Variants in ADGRE3 observed in about 807,000 individuals in gnomAD.
ADGRE3 encodes the protein EGF-like module receptor 3.
In ADGRE3, 88 loss-of-function variants were observed where a neutral mutation model predicts 80.1. The ratio of observed to expected loss-of-function variants is 1.10; its 90% CI spans 0.93 to 1.31. The LOEUF (loss-of-function observed/expected upper bound fraction) is 1.31. ADGRE3 is among the 40% of genes most tolerant of loss of function. The probability of loss-of-function intolerance (pLI) is 0.00; values close to 1 mark genes in which losing one functional copy is unlikely to be tolerated. For missense variants in ADGRE3, 715 were observed against 776.5 expected (o/e 0.92, Z 0.94); for synonymous variants, 281 against 294.8 (o/e 0.95, Z 0.48).
chr19:14,661,912 C>G, intron 4 of ADGRE3, 51 bp downstream of exon 4: 1 of 1,589,790 alleles, frequency 6.3e-7, no homozygotes, highest in African/African-American at 1.3e-5. Flanking sequence ...AACAAACAAA[C>G]AAAAAAACAA....
chr19:14,617,542 C>A (rs1160279389), downstream of ADGRE3, among the ~76,000 whole-genome samples: 1 of 151,520 alleles, frequency 6.6e-6, no homozygotes, highest in Non-Finnish European at 1.5e-5. Flanking sequence ...GGATTACAGG[C>A]CCCTGCCACC....
chr19:14,642,748 A>G (rs1469966190), intron 9 of ADGRE3, among the ~76,000 whole-genome samples: 1 of 152,168 alleles, frequency 6.6e-6, no homozygotes, highest in African/African-American at 2.4e-5. Context: ...AAAGGACATG[A>G]TCTCATTCTT....
At chr19:14,640,928 G>T (rs1971230080) in intron 10 of ADGRE3, among the ~76,000 whole-genome samples, 1 of 152,120 alleles carries the variant, frequency 6.6e-6, no homozygotes, top group African/African-American at 2.4e-5. Context: ...CCTGCCATGT[G>T]GAACTGCAAG....
the ADGRE3 span, among the ~76,000 whole-genome samples, chr19:14,607,376 T>A: frequency 3.3e-5 from 5 of 151,222 alleles, no homozygotes; most frequent in South Asian, 2.1e-4. Context: ...GCTAATTTTT[T>A]GTATTTTTAG....
chr19:14,653,045 T>A (rs1362222931), intron 6 of ADGRE3, among the ~76,000 whole-genome samples: 2 of 151,572 alleles, frequency 1.3e-5, no homozygotes, highest in Admixed American at 6.6e-5. Flanking sequence ...TGCAGTGGCT[T>A]GCTCTCAGCT....
chr19:14,648,805 A>G (rs964664337), intron 7 of ADGRE3, among the ~76,000 whole-genome samples: 1 of 152,098 alleles, frequency 6.6e-6, no homozygotes, highest in African/African-American at 2.4e-5. Context: ...AAGCTGCACT[A>G]TCAGTTCTAC....
At chr19:14,643,151 T>TC (rs1402920327) in intron 9 of ADGRE3, among the ~76,000 whole-genome samples, 1 of 94,432 alleles carries the variant, frequency 1.1e-5, no homozygotes, top group Admixed American at 1.1e-4. Flanking sequence ...ATGGTTTTTT[T>TC]TTTTTTTTTT....
the ADGRE3 span, among the ~76,000 whole-genome samples, chr19:14,603,976 C>T: frequency 3.9e-4 from 59 of 152,290 alleles, no homozygotes; most frequent in East Asian, 3.7e-3. Flanking sequence ...GACTTTGGGC[C>T]ATCTAGGCTG....
At chr19:14,615,983 A>T (rs1306904105), downstream of ADGRE3, among the ~76,000 whole-genome samples, 2 of 107,766 alleles carry the variant, frequency 1.9e-5, no homozygotes, top group African/African-American at 6.2e-5. Context: ...TTTTTTTTTT[A>T]ACAGAGTCTT....
intron 8 of ADGRE3, among the ~76,000 whole-genome samples, chr19:14,646,029 A>G (rs550322501): frequency 1.3e-5 from 2 of 152,336 alleles, no homozygotes; most frequent in South Asian, 4.1e-4. Flanking sequence ...TTAACCCACT[A>G]TATCCAACAT....
chr19:14,614,965 G>A (rs1221391679), downstream of ADGRE3, among the ~76,000 whole-genome samples: 2 of 150,086 alleles, frequency 1.3e-5, no homozygotes, highest in East Asian at 3.9e-4. Flanking sequence ...AGCTCATTGT[G>A]GCCTCAACCT....
At chr19:14,664,475 G>A (rs1360426779) in intron 2 of ADGRE3, among the ~76,000 whole-genome samples, 1 of 152,124 alleles carries the variant, frequency 6.6e-6, no homozygotes, top group East Asian at 1.9e-4. Context: ...GGAGGCCCAG[G>A]TAGGAGGATT....
In ADGRE3 at chr19:14,630,914, G is replaced by A. The variant is rs143244100; in HGVS notation, c.1644-707C>T. Among the ~76,000 whole-genome samples the A allele has an allele frequency of 2.9e-3, 443 of 151,874 alleles. 2 individuals are homozygous for A. Among genetic ancestry groups the A allele is most frequent in the African/African-American group, 0.01 (426 of 41,416 alleles). On this transcript the variant is annotated intron_variant, in intron 13 of 15. Transcript: ENST00000253673. ...GTCATATAATTTTTTTTGTTGAGAC[G>A]GAGTCTCGCTCTGTGGCCCAGGCTG...
chr19:14,650,050 A>G (rs1030965419), intron 7 of ADGRE3, among the ~76,000 whole-genome samples: 1 of 87,950 alleles, frequency 1.1e-5, no homozygotes, highest in Non-Finnish European at 2.3e-5. Flanking sequence ...CTCTCTTCCC[A>G]TCTCTCTCCC....
chr19:14,605,879 T>C, the ADGRE3 span, among the ~76,000 whole-genome samples: 1 of 152,050 alleles, frequency 6.6e-6, no homozygotes, highest in Non-Finnish European at 1.5e-5. Context: ...GCTGGGACTA[T>C]AGACACGCAC....
chr19:14,663,080 G>T (rs1354031885), intron 3 of ADGRE3, among the ~76,000 whole-genome samples: 1 of 151,958 alleles, frequency 6.6e-6, no homozygotes, highest in Non-Finnish European at 1.5e-5. Context: ...TCGGCTCACT[G>T]CAACCTCTGC....
chr19:14,623,563 A>T (rs1336642689), intron 15 of ADGRE3, among the ~76,000 whole-genome samples: 1 of 152,180 alleles, frequency 6.6e-6, no homozygotes, highest in African/African-American at 2.4e-5. Context: ...TAACAGGGCT[A>T]TGTCCTCCCC....
intron 11 of ADGRE3, among the ~76,000 whole-genome samples, chr19:14,636,014 T>C (rs1971034784): frequency 1.6e-5 from 1 of 60,764 alleles, no homozygotes; most frequent in African/African-American, 5.3e-5. Context: ...TCTTTCTTTC[T>C]TCCTTCCTTC....
chr19:14,638,121 A>T lies in ADGRE3; in HGVS notation c.1468T>A (p.Tyr490Asn), dbSNP rs774217514. 6.2e-7 allele frequency: 1 copy of T among 1,613,808 alleles called. No homozygotes were observed. The highest frequency in any genetic ancestry group is 8.5e-7 in the Non-Finnish European group (1 of 1,179,708). The stretch of plus-strand genomic sequence containing the variant: ...CAAGCTCACCGATCAGCAGTTCCAT[A>T]AAGGTGAGGCCAGGAGGCTGCAGAA... ...AISAASWPHL[Y>N]GTADRCWLHL... Residue 490 changes from tyrosine (Y) to asparagine (N), a missense_variant, in exon 11 of 16, where the codon TAT becomes AAT. Coordinates refer to ENST00000253673, the MANE Select transcript of ADGRE3 (RefSeq NM_032571.5).
Sources: allele counts gnomAD v4.1 joint callset (sites outside exome capture counted in the v4.1 genomes callset), GRCh38; gene constraint gnomAD v4.1.1; transcripts MANE v1.5; gene names NCBI Gene and HGNC (gene_info 2026-07-23, HGNC 2026-07-21).